The following BDH2 variants were observed in gnomAD, a reference collection of about 807,000 sequenced individuals.
BDH2 encodes dehydrogenase/reductase SDR family member 6.
BDH2 carries 24 observed loss-of-function variants against 33.2 expected under a neutral mutation model. The ratio of observed to expected loss-of-function variants is 0.72; its 90% CI spans 0.52 to 1.02. The LOEUF is 1.02. Among genes scored for constraint, BDH2 ranks in the 50% least tolerant of loss-of-function variants. BDH2 has a pLI of 0.00. For missense variants in BDH2, 249 were observed against 301.6 expected (o/e 0.83, Z 1.29); for synonymous variants, 81 against 101.6 (o/e 0.80, Z 1.22).
chr4:103,091,790 A>G (rs1748110682), intron 4 of BDH2: 1 of 453,768 alleles, frequency 2.2e-6, no homozygotes, highest in East Asian at 7.0e-5. Context: ...CTATTTGCCT[A>G]TGTGATTCCT....
At chr4:103,085,534 TAA>T in intron 6 of BDH2, 72 bp from the exon 7 acceptor site, 1 of 1,463,860 alleles carries the variant, frequency 6.8e-7, no homozygotes, top group Non-Finnish European at 9.3e-7. Context: ...GTAACACAAA[TAA>T]GTTTTCCCAG....
At chr4:103,098,757 G>A (rs1480718169) in intron 1 of BDH2, 2 of 152,190 alleles carry the variant, frequency 1.3e-5, no homozygotes, top group Non-Finnish European at 2.9e-5. Context: ...GGCTCTCACA[G>A]CCTTACCTAG....
Position 103,079,756 on chromosome 4 carries a change from C to G in BDH2, c.685-1G>C, listed in dbSNP as rs1316723849. 3.1e-6 allele frequency: 5 copies of G among 1,613,212 alleles called. No homozygotes were observed. Among genetic ancestry groups the G allele is most frequent in the Non-Finnish European group, 4.2e-6 (5 of 1,179,304 alleles). Reference sequence around the variant, plus strand: ...CAGGGTTACCAGTTACATAAGCAGACTGCAGTGATAAACACAAGGAGACAG... The same window carrying G: ...CAGGGTTACCAGTTACATAAGCAGAGTGCAGTGATAAACACAAGGAGACAG... On this transcript the variant is annotated splice_acceptor_variant, in intron 9 of 9. Transcript: ENST00000296424. LOFTEE classifies it high-confidence loss of function.
At chr4:103,095,119 G>A (rs1748323674) in intron 3 of BDH2, 84 bp downstream of exon 3, 3 of 1,045,388 alleles carry the variant, frequency 2.9e-6, no homozygotes, top group African/African-American at 1.6e-5. Flanking sequence ...AGTAGCTAGG[G>A]AATTTTCTTT....
intron 9 of BDH2, 23 bp from the exon 10 acceptor site, chr4:103,079,778 A>G: frequency 1.9e-6 from 3 of 1,606,466 alleles, no homozygotes; most frequent in Non-Finnish European, 1.7e-6. Flanking sequence ...ACACAAGGAG[A>G]CAGAACAATT....
intron 3 of BDH2, among the ~76,000 whole-genome samples, chr4:103,094,541 A>G (rs1406427483): frequency 6.6e-6 from 1 of 152,166 alleles, no homozygotes; most frequent in African/African-American, 2.4e-5. Context: ...CATGTTGAAC[A>G]TCTTGAATAT....
intron 3 of BDH2, 136 bp from the exon 4 acceptor site, chr4:103,092,832 C>A: frequency 1.4e-6 from 1 of 691,356 alleles, no homozygotes; most frequent in Non-Finnish European, 2.6e-6. Flanking sequence ...TTACTAGGGT[C>A]TTAAGAATCT....
chr4:103,092,621 T>A lies in BDH2; in HGVS notation c.227A>T (p.Asp76Val). 6.2e-7 allele frequency: 1 copy of A among 1,611,162 alleles called. No individual in the cohort carries two copies. The highest frequency in any genetic ancestry group is 8.5e-7 in the Non-Finnish European group (1 of 1,177,704). ...DQFANEVERL[D>V]VLFNVAGFVH... ...TTACCCAGCAACATTAAAGAGAACA[T>A]CAAGTCTCTCAACTTCATTGGCAAA... The change falls in exon 4 of 10, where the codon GAT becomes GTT. Residue 76 changes from aspartate to valine, a missense_variant. Transcript: ENST00000296424.
chr4:103,078,348 A>G lies in BDH2; in HGVS notation c.*1354T>C, dbSNP rs773666244. Reference sequence around the variant, plus strand: ...TTTATTTATCCAGAAACTATGTCCAAATTTTATGTCCTCTTTTCTGTTATC... The same window carrying G: ...TTTATTTATCCAGAAACTATGTCCAGATTTTATGTCCTCTTTTCTGTTATC... On this transcript the variant is annotated 3_prime_UTR_variant, in exon 10 of 10. Transcript: ENST00000296424. Among the ~76,000 whole-genome samples, 1 of 152,180 alleles carries G rather than the reference A, an allele frequency of 6.6e-6. No individual in the cohort carries two copies. The highest frequency in any genetic ancestry group is 1.5e-5 in the Non-Finnish European group (1 of 68,026).
Position 103,091,246 on chromosome 4 carries a change from T to A in BDH2, c.288A>T (p.Lys96Asn), listed in dbSNP as rs775783782. The A allele has an allele frequency of 6.2e-6, 10 of 1,613,478 alleles. No homozygotes were observed. In the South Asian group the frequency reaches 9.9e-5, roughly 16 times the overall value. ...HHGTVLDCEE[K>N]DWDFSMNLNV... ...TGAGATTCATCGAGAAGTCCCAGTC[T>A]TTCTCCTCACAATCCAGGACAGTTC... Residue 96 changes from lysine (K) to asparagine (N), a missense_variant, in exon 5 of 10, where the codon AAA (lysine) becomes AAT (asparagine). Coordinates refer to ENST00000296424, the MANE Select transcript of BDH2 (RefSeq NM_020139.4).
At chr4:103,080,701 G>A (rs1747468418) in intron 9 of BDH2, among the ~76,000 whole-genome samples, 1 of 152,170 alleles carries the variant, frequency 6.6e-6, no homozygotes, top group African/African-American at 2.4e-5. Flanking sequence ...CCTCTAAAAA[G>A]CCAAAGGTAC....
In BDH2 at chr4:103,092,585, A is replaced by G; in HGVS notation, c.248+15T>C. On this transcript the variant is annotated intron_variant, in intron 4 of 9. Coordinates refer to ENST00000296424, the MANE Select transcript of BDH2 (RefSeq NM_020139.4). ...CTTTCTGTAAGGAAAGTGAAACTAAAAAGTTATGAATTACCCAGCAACATT... is the reference window on the plus strand; with the variant it reads ...CTTTCTGTAAGGAAAGTGAAACTAAGAAGTTATGAATTACCCAGCAACATT... 1.9e-6 allele frequency: 3 copies of G among 1,565,976 alleles called. No individual in the cohort carries two copies. The highest frequency in any genetic ancestry group is 1.7e-6 in the Non-Finnish European group (2 of 1,144,282).
At chr4:103,085,698 C>T in intron 6 of BDH2, 1 of 1,446,762 alleles carries the variant, frequency 6.9e-7, no homozygotes, top group Non-Finnish European at 9.2e-7. Flanking sequence ...GCTGAACTTA[C>T]TTAACATTGG....
chr4:103,094,200 T>C (rs2125810982), intron 3 of BDH2, among the ~76,000 whole-genome samples: 1 of 152,336 alleles, frequency 6.6e-6, no homozygotes, highest in Non-Finnish European at 1.5e-5. Flanking sequence ...TCCAGCCACA[T>C]GTGGCTACTG....
In BDH2 at chr4:103,082,864, G is replaced by T; in HGVS notation, c.591+7C>A. On this transcript the variant is annotated splice_region_variant and intron_variant, in intron 8 of 9. Transcript: ENST00000296424. ...AGGTTTAAATACATTTTAAATGCTA[G>T]ATGTACCTCTTCAGGATTTCCTCTG... is the stretch of plus-strand genomic sequence containing the variant. 1 of 1,602,330 alleles carries T rather than the reference G, an allele frequency of 6.2e-7. No individual in the cohort carries two copies.
intron 3 of BDH2, among the ~76,000 whole-genome samples, chr4:103,093,119 T>C (rs1421150998): frequency 3.3e-5 from 5 of 152,118 alleles, no homozygotes; most frequent in African/African-American, 9.7e-5. Context: ...TGAGGTATAA[T>C]TGAGAAATAA....
Position 103,079,386 on chromosome 4 carries a change from A to G in BDH2, c.*316T>C, listed in dbSNP as rs1560567867. 5 of 266,174 alleles carry G rather than the reference A, an allele frequency of 1.9e-5. No homozygotes were observed. The highest frequency in any genetic ancestry group is 1.4e-5 in the Non-Finnish European group (2 of 139,038). The allele number at this position is 266,174 out of a possible 1,614,324, so 16.5% of individuals were successfully genotyped here. A position where few individuals can be genotyped will look rare whatever the true frequency, so the allele number is the denominator to read the frequency against. ...AAAATAAATGTTTGTTGTCTATGAC[A>G]CTCCATCTATGGTAATTTGTTATAG... On this transcript the variant is annotated 3_prime_UTR_variant, in exon 10 of 10. Transcript: ENST00000296424.
At chr4:103,097,952 C>T (rs1046749081) in intron 1 of BDH2, among the ~76,000 whole-genome samples, 2 of 147,540 alleles carry the variant, frequency 1.4e-5, no homozygotes, top group Non-Finnish European at 3.0e-5. Flanking sequence ...TTTAGCCAAA[C>T]TTTTTTTTTT....
intron 1 of BDH2, among the ~76,000 whole-genome samples, chr4:103,097,998 C>G (rs1484409251): frequency 1.3e-5 from 2 of 152,074 alleles, no homozygotes; most frequent in African/African-American, 4.8e-5. Context: ...CAAACCTCCA[C>G]ACTTGGTCCA....
Sources: gnomAD v4.1 joint callset for allele counts (sites outside exome capture counted in the v4.1 genomes callset) on GRCh38, gnomAD v4.1.1 for gene constraint, MANE v1.5 for transcripts, NCBI Gene and HGNC (gene_info 2026-07-23, HGNC 2026-07-21) for gene names.